The following KDM6A variants were observed in gnomAD, a reference collection of about 807,000 sequenced individuals.
KDM6A encodes the protein lysine-specific demethylase 6A.
A neutral mutation model predicts 117.6 loss-of-function variants in KDM6A; 11 were observed. That is an observed-to-expected ratio of 0.09 (90% CI 0.06 to 0.15). The LOEUF is 0.15. Ranked by LOEUF, KDM6A falls within the 10% of genes least tolerant of loss-of-function variation. The pLI, the probability that KDM6A is intolerant of heterozygous loss-of-function variation, is 1.00. For synonymous variants in KDM6A, 384 were observed against 396.1 expected (o/e 0.97, Z 0.36); for missense variants, 799 against 1,077.3 (o/e 0.74, Z 3.62).
chrX:45,070,457 G>T (rs1260182873), intron 18 of KDM6A, 100 bp downstream of exon 18: 7 of 736,695 alleles, frequency 9.5e-6, no homozygotes, highest in Non-Finnish European at 1.4e-5. Flanking sequence ...GTAAGCAAAA[G>T]ATGGTGTAGT....
chrX:45,014,488 A>G (rs1441357405), intron 5 of KDM6A, among the ~76,000 whole-genome samples: 1 of 111,965 alleles, frequency 8.9e-6, no homozygotes, highest in African/African-American at 3.2e-5. Context: ...AAGACATAGA[A>G]GCAGAGTGTA....
At chrX:44,969,668 G>A (rs932762530) in intron 3 of KDM6A, among the ~76,000 whole-genome samples, 1 of 110,369 alleles carries the variant, frequency 9.1e-6, no homozygotes, top group African/African-American at 3.3e-5. Context: ...CGCCTGCCTC[G>A]GCCTCCCAAA....
intron 3 of KDM6A, among the ~76,000 whole-genome samples, chrX:44,964,663 A>T (rs898337394): frequency 2.7e-5 from 3 of 111,531 alleles, no homozygotes; most frequent in African/African-American, 9.8e-5. Flanking sequence ...TGGGCTGAAA[A>T]TATTCAGTCG....
intron 4 of KDM6A, among the ~76,000 whole-genome samples, chrX:45,010,717 A>G (rs777122098): frequency 2.7e-5 from 3 of 111,869 alleles, no homozygotes; most frequent in East Asian, 2.8e-4. Flanking sequence ...TAGATTTTTA[A>G]TTTTAGATTT....
At chrX:44,896,905 A>AT (rs1407577194) in intron 2 of KDM6A, among the ~76,000 whole-genome samples, 2 of 108,436 alleles carry the variant, frequency 1.8e-5, no homozygotes, top group Admixed American at 9.9e-5. Context: ...TGTTTTCAAG[A>AT]TTTTTTTGTC....
In KDM6A at chrX:44,910,417, G is replaced by A. The variant is rs770540346; in HGVS notation, c.225+36430G>A. Among the ~76,000 whole-genome samples, 3 of 110,144 alleles carry A rather than the reference G, an allele frequency of 2.7e-5. No homozygotes were observed. The East Asian group carries it at 8.5e-4, about 31-fold the overall frequency. ...TTGGCCAGGCTGGTCTGGAACTCCT[G>A]ACCTCAAATGATCTGCCCGATTTGG... On this transcript the variant is annotated intron_variant, in intron 2 of 29. Transcript: ENST00000611820.
intron 4 of KDM6A, among the ~76,000 whole-genome samples, chrX:45,001,057 C>T (rs2041122239): frequency 8.9e-6 from 1 of 112,402 alleles, no homozygotes; most frequent in Admixed American, 9.4e-5. Flanking sequence ...CTATAGCTAT[C>T]TTGGTCTTGT....
chrX:44,984,549 A>G (rs2040096074), intron 4 of KDM6A, among the ~76,000 whole-genome samples: 1 of 111,848 alleles, frequency 8.9e-6, no homozygotes, highest in Admixed American at 9.5e-5. Flanking sequence ...TTTTAGGTCT[A>G]ACATTTAGAT....
At chrX:44,907,347 G>A (rs1463498988) in intron 2 of KDM6A, among the ~76,000 whole-genome samples, 3 of 110,958 alleles carry the variant, frequency 2.7e-5, no homozygotes, top group East Asian at 5.6e-4. Context: ...GTGCCATCTC[G>A]GCTGACTGCA....
At chrX:45,111,213 A>T (rs931529388) in intron 29 of KDM6A, among the ~76,000 whole-genome samples, 169 bp from the exon 30 acceptor site, 3 of 111,232 alleles carry the variant, frequency 2.7e-5, no homozygotes, top group African/African-American at 9.8e-5. Flanking sequence ...TCTTAGGAAG[A>T]TTGGCTGAAT....
intron 2 of KDM6A, among the ~76,000 whole-genome samples, chrX:44,954,397 G>T (rs917143034): frequency 3.6e-5 from 4 of 112,022 alleles, no homozygotes; most frequent in Non-Finnish European, 7.5e-5. Flanking sequence ...TATACATAAT[G>T]TAAAGTAAGA....
At chrX:45,024,070 C>T (rs1169355678) in intron 6 of KDM6A, among the ~76,000 whole-genome samples, 1 of 112,213 alleles carries the variant, frequency 8.9e-6, no homozygotes, top group Admixed American at 9.5e-5. Context: ...CATATTTTTG[C>T]AATTGCAAAT....
intron 2 of KDM6A, among the ~76,000 whole-genome samples, chrX:44,936,156 C>G (rs1326341646): frequency 8.9e-6 from 1 of 111,825 alleles, no homozygotes; most frequent in African/African-American, 3.3e-5. Context: ...TTTCCACCTT[C>G]TAGTGGCTGG....
At chrX:45,051,086 C>T (rs1457106922) in intron 8 of KDM6A, among the ~76,000 whole-genome samples, 1 of 111,191 alleles carries the variant, frequency 9.0e-6, no homozygotes, top group Non-Finnish European at 1.9e-5. Flanking sequence ...CTCGGCTCAC[C>T]GCAACCTCCG....
chrX:44,979,301 C>A (rs1442586589), intron 4 of KDM6A, among the ~76,000 whole-genome samples: 1 of 110,610 alleles, frequency 9.0e-6, no homozygotes. Flanking sequence ...TTCTTTCTTT[C>A]CTCCTCAGTC....
rs1279259789 is a variant in KDM6A at position 45,061,371 on chromosome X, A to T, written c.1533A>T (p.Pro511=). Residue 511 remains proline, a synonymous_variant, in exon 15 of 30, where the codon CCA becomes CCT. Transcript: ENST00000611820. Reference sequence around the variant, plus strand: ...GTGGACATGCTGTGTCACATCCTCCAGTACAGCAACAAGCTCATTCATGGT... The same window carrying T: ...GTGGACATGCTGTGTCACATCCTCCTGTACAGCAACAAGCTCATTCATGGT... ...WSGGHAVSHP[P]VQQQAHSWCL... is the part of the protein sequence containing the mutation. 6.8e-6 allele frequency: 8 copies of T among 1,183,683 alleles called. No homozygotes were observed. The highest frequency in any genetic ancestry group is 2.3e-6 in the Non-Finnish European group (2 of 874,292).
At position 45,070,310 on chromosome X, in the gene KDM6A, G is replaced by A. The variant is rs2148057182; in HGVS notation, c.2811G>A (p.Met937Ile). 8.3e-7 allele frequency: 1 copy of A among 1,210,426 alleles called. No individual in the cohort carries two copies. Among genetic ancestry groups the A allele is most frequent in the Non-Finnish European group, 1.1e-6 (1 of 894,288 alleles). The change falls in exon 18 of 30, where the codon ATG becomes ATA. Residue 937 changes from methionine to isoleucine, a missense_variant. Met to Ile is a conservative substitution (Grantham distance 10, BLOSUM62 1). Transcript: ENST00000611820. ...CTAGTCCACAGATCATACCATCAAT[G>A]TCTGTGTCCATATACCCCAGCTCAG... ...HKPSPQIIPS[M>I]SVSIYPSSAE...
chrX:45,040,262 G>A (rs1269862013), intron 8 of KDM6A, among the ~76,000 whole-genome samples: 2 of 69,303 alleles, frequency 2.9e-5, no homozygotes, highest in Admixed American at 1.6e-4. Context: ...TGGCCCGGGG[G>A]GTGGGGGTGC....
chrX:45,018,655 CCTT>C (rs2042058930), intron 5 of KDM6A, among the ~76,000 whole-genome samples: 1 of 111,759 alleles, frequency 8.9e-6, no homozygotes, highest in African/African-American at 3.2e-5. Flanking sequence ...TGTTCCTTCT[CCTT>C]CTCTTCCTGA....
Sources: allele counts gnomAD v4.1 joint callset (sites outside exome capture counted in the v4.1 genomes callset), GRCh38; gene constraint gnomAD v4.1.1; transcripts MANE v1.5; gene names NCBI Gene and HGNC (gene_info 2026-07-23, HGNC 2026-07-21).